The following NALF1 variants were observed in gnomAD, a reference collection of about 807,000 sequenced individuals.
NALF1 encodes NALCN channel auxiliary factor 1, also known as family with sequence similarity 155 member A.
NALF1 carries 3 observed loss-of-function variants against 48.4 expected under a neutral mutation model. The ratio of observed to expected loss-of-function variants is 0.06; its 90% confidence interval spans 0.03 to 0.16. NALF1 has a LOEUF of 0.16. Among genes scored for constraint, NALF1 ranks in the 10% least tolerant of loss-of-function variants. The pLI is 1.00. For missense variants in NALF1, 526 were observed against 571.5 expected, an observed-to-expected ratio of 0.92 and a Z score of 0.81; for synonymous variants, 262 against 245.7, an observed-to-expected ratio of 1.07 and a Z score of -0.62.
chr13:107,503,742 GGTGTGTGTGTTTGTGTGTGT>G (rs1470440770), intron 1 of NALF1, among the ~76,000 whole-genome samples: 27 of 79,070 alleles, frequency 3.4e-4, no homozygotes, highest in African/African-American at 6.1e-4. Flanking sequence ...ATGTGTGTCT[GGTGTGTGTGTTTGTGTGTGT>G]GTGTGTGTGT....
chr13:107,449,836 T>C (rs1039358931), intron 1 of NALF1, among the ~76,000 whole-genome samples: 1 of 152,198 alleles, frequency 6.6e-6, no homozygotes, highest in Non-Finnish European at 1.5e-5. Flanking sequence ...ATCAACATCA[T>C]TCCAAATTTA....
chr13:107,621,816 G>A (rs925067158), intron 1 of NALF1, among the ~76,000 whole-genome samples: 1 of 152,138 alleles, frequency 6.6e-6, no homozygotes, highest in African/African-American at 2.4e-5. Flanking sequence ...GCTGAGGCCG[G>A]AATTCAATCC....
At chr13:107,234,353 A>G (rs1880293421) in intron 1 of NALF1, among the ~76,000 whole-genome samples, 1 of 152,234 alleles carries the variant, frequency 6.6e-6, no homozygotes, top group Admixed American at 6.5e-5. Flanking sequence ...CAGGCACAAG[A>G]CAACAACCTG....
intron 1 of NALF1, among the ~76,000 whole-genome samples, chr13:107,575,896 G>GAGGTGTGTGTGTCT (rs1414313343): frequency 2.6e-5 from 4 of 152,002 alleles, no homozygotes; most frequent in Non-Finnish European, 5.9e-5. Context: ...TGTTTGGGAA[G>GAGGTGTGTGTGTCT]AGGTGTGTGT....
At chr13:107,179,495 T>C (rs1858758146) in intron 2 of NALF1, among the ~76,000 whole-genome samples, 1 of 152,028 alleles carries the variant, frequency 6.6e-6, no homozygotes, top group African/African-American at 2.4e-5. Context: ...TATTGTACAG[T>C]TTAACTAAAA....
At chr13:107,527,820 A>T (rs1186985657) in intron 1 of NALF1, among the ~76,000 whole-genome samples, 7 of 152,072 alleles carry the variant, frequency 4.6e-5, no homozygotes, top group Admixed American at 1.3e-4. Context: ...TTCTGCCATG[A>T]TTGTGAAGCT....
chr13:107,249,644 C>A (rs1159225915), intron 1 of NALF1, among the ~76,000 whole-genome samples: 1 of 151,856 alleles, frequency 6.6e-6, no homozygotes, highest in Non-Finnish European at 1.5e-5. Context: ...TTCACTATGT[C>A]ATTTTCACTA....
At chr13:107,627,625 G>A (rs986679116) in intron 1 of NALF1, among the ~76,000 whole-genome samples, 1 of 151,980 alleles carries the variant, frequency 6.6e-6, no homozygotes, top group Non-Finnish European at 1.5e-5. Context: ...ATATTTTAAA[G>A]CCCGCACATA....
intron 1 of NALF1, among the ~76,000 whole-genome samples, chr13:107,835,639 G>A (rs1335137191): frequency 6.6e-6 from 1 of 151,514 alleles, no homozygotes; most frequent in Non-Finnish European, 1.5e-5. Flanking sequence ...ACACACACCG[G>A]TGACTCAGGG....
chr13:107,448,642 A>G (rs1200735399), intron 1 of NALF1, among the ~76,000 whole-genome samples: 1 of 152,320 alleles, frequency 6.6e-6, no homozygotes, highest in South Asian at 2.1e-4. Context: ...CTCAAGAAAC[A>G]TACAATGAGC....
intron 1 of NALF1, among the ~76,000 whole-genome samples, chr13:107,783,635 T>G (rs1359187955): frequency 6.6e-6 from 1 of 152,062 alleles, no homozygotes; most frequent in Non-Finnish European, 1.5e-5. Flanking sequence ...CGGTGCAAGA[T>G]GTGCTTTGTT....
intron 1 of NALF1, among the ~76,000 whole-genome samples, chr13:107,499,161 T>TA (rs5806659): frequency 2.9e-4 from 43 of 150,162 alleles, no homozygotes; most frequent in South Asian, 1.9e-3. Context: ...CTCCAGAAGT[T>TA]AAAAAAAAAA....
intron 1 of NALF1, among the ~76,000 whole-genome samples, chr13:107,542,144 A>T (rs916454585): frequency 3.3e-5 from 5 of 152,182 alleles, no homozygotes; most frequent in African/African-American, 1.2e-4. Context: ...AATATTATTC[A>T]GTCATGAAAA....
intron 1 of NALF1, among the ~76,000 whole-genome samples, chr13:107,832,861 C>A (rs907653122): frequency 2.6e-5 from 4 of 152,120 alleles, no homozygotes; most frequent in Non-Finnish European, 5.9e-5. Flanking sequence ...TCAAAAACAA[C>A]AAATCATAGG....
At chr13:107,826,923 T>C (rs539667612) in intron 1 of NALF1, among the ~76,000 whole-genome samples, 1 of 152,268 alleles carries the variant, frequency 6.6e-6, no homozygotes, top group African/African-American at 2.4e-5. Context: ...GGGTAGGTCT[T>C]AGTTTATGAG....
intron 1 of NALF1, among the ~76,000 whole-genome samples, chr13:107,638,200 T>C (rs1317464559): frequency 3.6e-5 from 5 of 137,432 alleles, no homozygotes; most frequent in African/African-American, 1.3e-4. Context: ...TATATATATA[T>C]ATATATAATT....
intron 1 of NALF1, among the ~76,000 whole-genome samples, chr13:107,823,578 C>G (rs1237644957): frequency 6.7e-6 from 1 of 149,490 alleles, no homozygotes; most frequent in Non-Finnish European, 1.5e-5. Flanking sequence ...CAGTAACCCC[C>G]GTGGCCTCCG....
At chr13:107,559,016 GGACCA>G (rs1418948318) in intron 1 of NALF1, among the ~76,000 whole-genome samples, 2 of 152,154 alleles carry the variant, frequency 1.3e-5, no homozygotes, top group Admixed American at 1.3e-4. Flanking sequence ...CACCCTGCAG[GGACCA>G]GATCGTGGGA....
intron 1 of NALF1, among the ~76,000 whole-genome samples, chr13:107,281,952 T>C (rs1053991680): frequency 6.6e-6 from 1 of 152,116 alleles, no homozygotes; most frequent in African/African-American, 2.4e-5. Flanking sequence ...GGTCTCTCCT[T>C]TAAAACGTGG....
Sources: gnomAD v4.1 joint callset for allele counts (sites outside exome capture counted in the v4.1 genomes callset) on GRCh38, gnomAD v4.1.1 for gene constraint, MANE v1.5 for transcripts, NCBI Gene and HGNC (gene_info 2026-07-23, HGNC 2026-07-21) for gene names.